TRAPPC13: variants seen among roughly 807,000 people sequenced by gnomAD.
The protein encoded by TRAPPC13 is REV7-interacting novel NHEJ regulator 1.
In TRAPPC13, 39 loss-of-function variants were observed where a neutral mutation model predicts 54.0. That is an observed-to-expected ratio of 0.72 (90% CI 0.56 to 0.94). The LOEUF is 0.94. Ranked by LOEUF, TRAPPC13 falls within the 40% of genes least tolerant of loss-of-function variation. The pLI, the probability that TRAPPC13 is intolerant of heterozygous loss-of-function variation, is 0.00. For missense variants in TRAPPC13, 386 were observed against 488.1 expected, an observed-to-expected ratio of 0.79 and a Z score of 1.97; for synonymous variants, 148 against 167.7, an observed-to-expected ratio of 0.88 and a Z score of 0.91.
chr5:65,625,343 G>A, intron 1 of TRAPPC13: 1 of 438,540 alleles, frequency 2.3e-6, no homozygotes, highest in South Asian at 4.6e-5. Flanking sequence ...TGCTGCTTCA[G>A]TCACGAGATT....
intron 7 of TRAPPC13, among the ~76,000 whole-genome samples, chr5:65,653,383 C>A (rs1019583393): frequency 6.6e-6 from 1 of 152,030 alleles, no homozygotes; most frequent in African/African-American, 2.4e-5. Context: ...AATCACATGG[C>A]AAATTCGGTA....
At chr5:65,629,595 C>A (rs991865960) in intron 1 of TRAPPC13, 1 of 1,529,324 alleles carries the variant, frequency 6.5e-7, no homozygotes, top group Non-Finnish European at 8.7e-7. Flanking sequence ...AGAATGACTA[C>A]AGAAGTAATA....
chr5:65,646,221 A>G (rs1000872342), intron 4 of TRAPPC13, among the ~76,000 whole-genome samples: 3 of 151,580 alleles, frequency 2.0e-5, no homozygotes, highest in African/African-American at 7.2e-5. Flanking sequence ...TAAATGTTCA[A>G]AAGGAGAAAA....
At chr5:65,627,131 CAAAAAAAA>C (rs60169195) in intron 1 of TRAPPC13, among the ~76,000 whole-genome samples, 9 of 32,578 alleles carry the variant, frequency 2.8e-4, no homozygotes, top group Non-Finnish European at 4.5e-4. Flanking sequence ...GACCCTGTCT[CAAAAAAAA>C]AAAAAAAAAA....
rs1019215827 is a variant in TRAPPC13 at position 65,628,268 on chromosome 5, A to G, written c.46+3162A>G. Among the ~76,000 whole-genome samples the G allele has an allele frequency of 7.9e-5, 12 of 152,288 alleles. No homozygotes were observed. In the East Asian group the frequency reaches 2.3e-3, roughly 29 times the overall value. ...TCTTCCAAACTGGAATTCAAAAGCC[A>G]TGGTATTGGGGTCTCCATACTGTTT... On this transcript the variant is annotated intron_variant, in intron 1 of 12. Transcript: ENST00000399438.
At chr5:65,661,854 C>G in intron 10 of TRAPPC13, 196 bp from the exon 11 acceptor site, 1 of 483,060 alleles carries the variant, frequency 2.1e-6, no homozygotes, top group South Asian at 3.4e-5. Context: ...CAGTCCAGGT[C>G]TGCCAGGCTA....
chr5:65,662,100 C>T lies in TRAPPC13; in HGVS notation c.948C>T (p.Thr316=), dbSNP rs150042544. The change falls in exon 11 of 13, where the codon ACC becomes ACT. Residue 316 remains threonine (T), a synonymous_variant. Coordinates refer to ENST00000399438, the MANE Select transcript of TRAPPC13 (RefSeq NM_024941.4). ...TGTCTTTGGAGGCAATACCAGATAC[C>T]GTAAACCTTGAAGAACCTTTTCATA... ...VRLSLEAIPD[T]VNLEEPFHIT... The T allele has an allele frequency of 3.0e-5, 49 of 1,608,820 alleles. No individual in the cohort carries two copies. The highest frequency in any genetic ancestry group is 1.1e-4 in the African/African-American group (8 of 74,624).
chr5:65,647,019 T>C, intron 4 of TRAPPC13, 36 bp from the exon 5 acceptor site: 1 of 1,513,480 alleles, frequency 6.6e-7, no homozygotes, highest in Non-Finnish European at 8.8e-7. Context: ...ACCAGTCTCA[T>C]TTGGACTTTT....
chr5:65,660,737 T>C lies in TRAPPC13; in HGVS notation c.737T>C (p.Met246Thr), dbSNP rs775193194. Residue 246 changes from methionine to threonine, a missense_variant, in exon 10 of 13, where the codon ATG (methionine) becomes ACG (threonine). Physicochemically the swap from Met to Thr is moderately conservative, Grantham distance 81. Coordinates refer to ENST00000399438, the MANE Select transcript of TRAPPC13 (RefSeq NM_024941.4). The part of the protein sequence containing the change: ...TFGSRAYLQP[M>T]DTRQYLYCLK... ...GGGTCAAGAGCATATTTGCAACCAA[T>C]GGATACACGCCAGTACTTATACTGC... 9 of 1,612,152 alleles carry C rather than the reference T, an allele frequency of 5.6e-6. No homozygotes were observed. The highest frequency in any genetic ancestry group is 1.3e-5 in the African/African-American group (1 of 74,778).
intron 10 of TRAPPC13, 161 bp downstream of exon 10, chr5:65,661,058 C>G: frequency 1.9e-6 from 1 of 535,544 alleles, no homozygotes; most frequent in Non-Finnish European, 3.3e-6. Flanking sequence ...ATAGGTAGGT[C>G]GAAGACTGGT....
chr5:65,644,875 C>T (rs1191469377), intron 4 of TRAPPC13, among the ~76,000 whole-genome samples: 4 of 125,056 alleles, frequency 3.2e-5, no homozygotes, highest in Admixed American at 1.6e-4. Flanking sequence ...AGCGAGACTC[C>T]GTCTCCAAAA....
chr5:65,644,750 G>A (rs917693718), intron 4 of TRAPPC13, among the ~76,000 whole-genome samples: 5 of 151,462 alleles, frequency 3.3e-5, no homozygotes, highest in South Asian at 2.1e-4. Flanking sequence ...GCTTAGTGCC[G>A]CTTGCCTGTA....
chr5:65,642,204 T>G (rs1306954102), intron 4 of TRAPPC13, among the ~76,000 whole-genome samples: 4 of 152,064 alleles, frequency 2.6e-5, no homozygotes, highest in Non-Finnish European at 5.9e-5. Context: ...GTGCCTGTAA[T>G]CCCAGCTACT....
intron 3 of TRAPPC13, 59 bp from the exon 4 acceptor site, chr5:65,637,637 A>AAG: frequency 9.3e-7 from 1 of 1,076,182 alleles, no homozygotes. Context: ...TCTCAAAAAA[A>AAG]AAAAAAAAGA....
intron 9 of TRAPPC13, among the ~76,000 whole-genome samples, chr5:65,659,985 AAAAAAGAAG>A (rs1181969980): frequency 4.5e-3 from 678 of 149,900 alleles, no homozygotes; most frequent in African/African-American, 0.015. Context: ...AAAAAAAAAA[AAAAAAGAAG>A]AAGAAGAAGA....
Position 65,637,716 on chromosome 5 carries a change from C to T in TRAPPC13, c.236C>T (p.Thr79Ile). The T allele has an allele frequency of 1.9e-6, 3 of 1,567,674 alleles. No individual in the cohort carries two copies. Among genetic ancestry groups the T allele is most frequent in the Non-Finnish European group, 2.6e-6 (3 of 1,151,234 alleles). ...QNFGNIFLGE[T>I]FSSYISVHND... ...TACAGGAATATATTTTTGGGAGAGACCTTTTCCAGTTATATCAGCGTTCAT... is the reference window on the plus strand; with the variant it reads ...TACAGGAATATATTTTTGGGAGAGATCTTTTCCAGTTATATCAGCGTTCAT... The change falls in exon 4 of 13, where the codon ACC becomes ATC. Residue 79 changes from threonine (T) to isoleucine (I), a missense_variant. Physicochemically the swap from Thr to Ile is moderately conservative, Grantham distance 89 (BLOSUM62 -1). Coordinates refer to ENST00000399438, the MANE Select transcript of TRAPPC13 (RefSeq NM_024941.4).
At chr5:65,625,412 G>T in intron 1 of TRAPPC13, 1 of 381,296 alleles carries the variant, frequency 2.6e-6, no homozygotes, top group Non-Finnish European at 4.7e-6. Context: ...ATTACAGCGG[G>T]CATCCAAAGT....
intron 7 of TRAPPC13, among the ~76,000 whole-genome samples, chr5:65,655,347 G>A (rs1438495255): frequency 6.6e-6 from 1 of 152,144 alleles, no homozygotes; most frequent in Non-Finnish European, 1.5e-5. Flanking sequence ...AAGTCATGGG[G>A]TATACCTCTC....
intron 4 of TRAPPC13, among the ~76,000 whole-genome samples, chr5:65,645,684 A>G (rs1219798530): frequency 1.3e-5 from 2 of 152,022 alleles, no homozygotes; most frequent in Non-Finnish European, 2.9e-5. Context: ...CATGCCTGTA[A>G]TCCCAGCTAC....
Sources: allele counts gnomAD v4.1 joint callset (sites outside exome capture counted in the v4.1 genomes callset), GRCh38; gene constraint gnomAD v4.1.1; transcripts MANE v1.5; gene names NCBI Gene and HGNC (gene_info 2026-07-23, HGNC 2026-07-21).